Variants in TCF25 observed in about 807,000 individuals in gnomAD.
The protein encoded by TCF25 is TCF25 ribosome quality control complex subunit, also known as ribosome quality control complex subunit TCF25.
Under a neutral mutation model 83.1 loss-of-function variants are expected in TCF25, and 41 were observed. That is an observed-to-expected ratio of 0.49 (90% CI 0.38 to 0.64). TCF25 has a LOEUF of 0.64. Among genes scored for constraint, TCF25 ranks in the 30% least tolerant of loss-of-function variants. TCF25 has a pLI of 0.00. For synonymous variants in TCF25, 458 were observed against 365.0 expected (o/e 1.25, Z -2.90); for missense variants, 979 against 914.5 (o/e 1.07, Z -0.91).
intron 1 of TCF25, among the ~76,000 whole-genome samples, chr16:89,877,173 C>T (rs887604576): frequency 1.3e-5 from 2 of 151,904 alleles, no homozygotes; most frequent in Non-Finnish European, 2.9e-5. Flanking sequence ...CTACTTTCAA[C>T]CCTGTCAGTT....
intron 1 of TCF25, among the ~76,000 whole-genome samples, chr16:89,881,751 C>A (rs1269547202): frequency 1.3e-5 from 2 of 151,918 alleles, no homozygotes; most frequent in African/African-American, 2.4e-5. Context: ...AATCTGTTAG[C>A]CTCTTTTTTT....
At chr16:89,909,816 G>A (rs11644804) in intron 16 of TCF25, 22,500 of 152,484 alleles carry the variant, frequency 0.15, 2,405 homozygotes, top group African/African-American at 0.3. Context: ...ACGATGTGCC[G>A]AGGCCCTGTG....
chr16:89,902,898 A>G (rs2044460951), intron 12 of TCF25, among the ~76,000 whole-genome samples: 1 of 152,138 alleles, frequency 6.6e-6, no homozygotes, highest in Admixed American at 6.5e-5. Context: ...GTGGGTTTCC[A>G]GGGCTCTGTC....
chr16:89,897,071 C>G (rs1422419850), intron 9 of TCF25, among the ~76,000 whole-genome samples: 1 of 151,958 alleles, frequency 6.6e-6, no homozygotes, highest in Non-Finnish European at 1.5e-5. Flanking sequence ...GCCTGAGAAA[C>G]CAGATCTCCA....
intron 1 of TCF25, among the ~76,000 whole-genome samples, chr16:89,874,081 G>A (rs535231240): frequency 1.4e-5 from 2 of 139,908 alleles, no homozygotes; most frequent in Non-Finnish European, 3.1e-5. Context: ...GTTAGACTGG[G>A]TTCTAACCCC....
chr16:89,908,652 C>T (rs1181602584), intron 16 of TCF25, among the ~76,000 whole-genome samples: 1 of 135,728 alleles, frequency 7.4e-6, no homozygotes. Flanking sequence ...TCCCAGCTCC[C>T]ACCTCCCAGC....
At chr16:89,886,010 G>A in intron 4 of TCF25, 44 bp downstream of exon 4, 1 of 1,540,812 alleles carries the variant, frequency 6.5e-7, no homozygotes, top group Non-Finnish European at 8.9e-7. Flanking sequence ...CTCTGCGGCT[G>A]CCCTTCTCTG....
intron 1 of TCF25, among the ~76,000 whole-genome samples, chr16:89,882,211 GTTCA>G (rs935114499): frequency 6.6e-6 from 1 of 152,146 alleles, no homozygotes; most frequent in Admixed American, 6.6e-5. Flanking sequence ...TTCAGTGGTG[GTTCA>G]TTCATTCATT....
chr16:89,909,859 C>CAAAA, intron 16 of TCF25: 1 of 152,506 alleles, frequency 6.6e-6, no homozygotes, highest in East Asian at 1.9e-4. Flanking sequence ...ATTGAGAGAA[C>CAAAA]AAAAGCCCCA....
Position 89,911,344 on chromosome 16 carries a change from T to C in TCF25, c.*106T>C, listed in dbSNP as rs1034641492. ...TAGGGAAGCTGAGTGTGTCGCTCCC[T>C]GGTCCACTGTTTCTCCTATAAATGT... On this transcript the variant is annotated 3_prime_UTR_variant, in exon 18 of 18. Coordinates refer to ENST00000263346, the MANE Select transcript of TCF25 (RefSeq NM_014972.3). 56 of 1,428,062 alleles carry C rather than the reference T, an allele frequency of 3.9e-5. 1 individual carries two copies. In the South Asian group the frequency reaches 6.9e-4, roughly 18 times the overall value. The allele number at this position is 1,428,062 out of a possible 1,614,324, so 88.5% of individuals were successfully genotyped here.
intron 2 of TCF25, chr16:89,884,204 T>C (rs1318637382): frequency 4.5e-6 from 1 of 221,274 alleles, no homozygotes; most frequent in African/African-American, 2.3e-5. Flanking sequence ...GTTGGCCAGG[T>C]GCAGGCGTAG....
intron 16 of TCF25, among the ~76,000 whole-genome samples, chr16:89,907,737 C>T (rs1286993018): frequency 6.4e-5 from 8 of 124,264 alleles, no homozygotes; most frequent in Non-Finnish European, 1.0e-4. Context: ...TTCCAGCTCC[C>T]GCCTCCCACC....
chr16:89,884,699 C>G, intron 3 of TCF25, 43 bp downstream of exon 3: 1 of 1,580,308 alleles, frequency 6.3e-7, no homozygotes, highest in Non-Finnish European at 8.6e-7. Context: ...CTCTGCCTGA[C>G]GCCCCTCTCC....
intron 1 of TCF25, among the ~76,000 whole-genome samples, chr16:89,875,372 T>C (rs988506894): frequency 1.3e-5 from 2 of 152,214 alleles, no homozygotes; most frequent in African/African-American, 2.4e-5. Context: ...TGCTATCGAT[T>C]GTCTCTAACG....
intron 15 of TCF25, among the ~76,000 whole-genome samples, chr16:89,906,793 A>G (rs2044827145): frequency 6.6e-6 from 1 of 152,074 alleles, no homozygotes; most frequent in Non-Finnish European, 1.5e-5. Context: ...GCGGGCCCTT[A>G]TGACCGGCAT....
At chr16:89,874,266 G>A (rs993091737) in intron 1 of TCF25, among the ~76,000 whole-genome samples, 8 of 151,922 alleles carry the variant, frequency 5.3e-5, no homozygotes, top group Non-Finnish European at 1.0e-4. Flanking sequence ...ATGGGCCTGC[G>A]GCCACGTGGC....
chr16:89,908,337 C>T (rs1222933243), intron 16 of TCF25, among the ~76,000 whole-genome samples: 1 of 146,938 alleles, frequency 6.8e-6, no homozygotes, highest in South Asian at 2.2e-4. Flanking sequence ...TCTTTCCTCA[C>T]AGTTCCCACC....
chr16:89,909,618 C>T (rs1264962487), intron 16 of TCF25: 3 of 151,510 alleles, frequency 2.0e-5, no homozygotes, highest in Non-Finnish European at 2.9e-5. Context: ...GAGGGGGTTG[C>T]CGTGAGCTGA....
intron 5 of TCF25, among the ~76,000 whole-genome samples, chr16:89,889,005 G>T (rs2043223651): frequency 6.6e-6 from 1 of 151,710 alleles, no homozygotes; most frequent in Non-Finnish European, 1.5e-5. Flanking sequence ...TTTCATCTGT[G>T]TCCATTCAGT....
Sources: allele counts gnomAD v4.1 joint callset (sites outside exome capture counted in the v4.1 genomes callset), GRCh38; gene constraint gnomAD v4.1.1; transcripts MANE v1.5; gene names NCBI Gene and HGNC (gene_info 2026-07-23, HGNC 2026-07-21).